The following KATNAL2 variants were observed in gnomAD, a reference collection of about 807,000 sequenced individuals.
KATNAL2 encodes the protein katanin p60 ATPase-containing subunit A-like 2.
In KATNAL2, 52 loss-of-function variants were observed where a neutral mutation model predicts 76.3. That is an observed-to-expected ratio of 0.68 (90% CI 0.55 to 0.86). The LOEUF is 0.86. KATNAL2 is among the 40% of genes least tolerant of loss of function. The pLI is 0.00. For missense variants in KATNAL2, 660 were observed against 668.9 expected (o/e 0.99, Z 0.15); for synonymous variants, 243 against 244.2 (o/e 1.00, Z 0.05).
chr18:46,920,624 A>G, intron 1 of KATNAL2, among the ~76,000 whole-genome samples: 1 of 152,184 alleles, frequency 6.6e-6, no homozygotes, highest in East Asian at 1.9e-4. Context: ...CCAGATTATT[A>G]ATTTGGCATT....
At chr18:47,074,956 T>C (rs1233231250) in intron 13 of KATNAL2, among the ~76,000 whole-genome samples, 1 of 152,182 alleles carries the variant, frequency 6.6e-6, no homozygotes, top group South Asian at 2.1e-4. Context: ...ATTGGCAGGG[T>C]GTTTCAGGGG....
At chr18:47,036,499 T>G (rs1442905474) in intron 3 of KATNAL2, among the ~76,000 whole-genome samples, 1 of 152,244 alleles carries the variant, frequency 6.6e-6, no homozygotes, top group East Asian at 1.9e-4. Flanking sequence ...GTAGCCTTTG[T>G]TTTGTGCTCT....
At chr18:47,038,600 C>T (rs984258141) in intron 3 of KATNAL2, among the ~76,000 whole-genome samples, 1 of 152,158 alleles carries the variant, frequency 6.6e-6, no homozygotes, top group Admixed American at 6.5e-5. Flanking sequence ...TCAATTTGCT[C>T]TGCAAAAGGG....
intron 1 of KATNAL2, among the ~76,000 whole-genome samples, chr18:46,944,565 C>G (rs2059333902): frequency 6.6e-6 from 1 of 151,870 alleles, no homozygotes; most frequent in East Asian, 1.9e-4. Flanking sequence ...TGAAACCCCA[C>G]ATGTACTAAA....
At chr18:47,071,753 A>G (rs1022261436) in intron 13 of KATNAL2, among the ~76,000 whole-genome samples, 3 of 151,986 alleles carry the variant, frequency 2.0e-5, no homozygotes, top group Non-Finnish European at 4.4e-5. Context: ...TTTCTGGTTT[A>G]ATGTTGAATA....
At chr18:46,929,758 A>AGTAT (rs1374916748) in intron 1 of KATNAL2, among the ~76,000 whole-genome samples, 6 of 152,134 alleles carry the variant, frequency 3.9e-5, no homozygotes, top group Non-Finnish European at 8.8e-5. Flanking sequence ...ATAGAGAAGA[A>AGTAT]GTATGTTTAA....
At chr18:47,034,343 G>A (rs755809195) in intron 3 of KATNAL2, 47 of 1,613,430 alleles carry the variant, frequency 2.9e-5, no homozygotes, top group Admixed American at 1.5e-4. Context: ...CTGTGCTGAG[G>A]CCTCTTCTGG....
Position 46,946,054 on chromosome 18 carries a change from TA to T in KATNAL2, c.-509-2del. ...ACTTACGAGAACTTTTTTTTTTTTG[TA>T]GATTGAGGAAACTTGAATATTTTTG... is the stretch of plus-strand genomic sequence containing the variant. On this transcript the variant is annotated splice_acceptor_variant, in intron 1 of 17. Transcript: ENST00000683218. LOFTEE classifies it low-confidence loss of function (5UTR_SPLICE). The T allele has an allele frequency of 3.2e-6, 1 of 309,000 alleles. No individual in the cohort carries two copies. Among genetic ancestry groups the T allele is most frequent in the East Asian group, 1.7e-4 (1 of 5,754 alleles). The allele number at this position is 309,000 out of a possible 1,614,324, so 19.1% of individuals were successfully genotyped here. A position where few individuals can be genotyped will look rare whatever the true frequency, so the allele number is the denominator to read the frequency against.
In KATNAL2 at chr18:47,054,412, G is replaced by A. The variant is rs145475005; in HGVS notation, c.306G>A (p.Pro102=). 332 of 1,613,160 alleles carry A rather than the reference G, an allele frequency of 2.1e-4. 1 individual carries two copies. The African/African-American group carries it at 3.8e-3, about 19-fold the overall frequency. Residue 102 remains proline (P), a synonymous_variant, in exon 6 of 18, where the codon CCG becomes CCA. Coordinates refer to ENST00000683218, the MANE Select transcript of KATNAL2 (RefSeq NM_001387690.1). ...TTGTCACAGCAGAAAATAATTTACC[G>A]CAAAGAAGTAGAGGGAAGACCAGAA... ...KSSDTAENNL[P]QRSRGKTRRM... is the part of the protein sequence containing the mutation.
rs1471301126 is a variant in KATNAL2 at position 47,100,837 on chromosome 18, G to A, written c.1478-29G>A. The A allele has an allele frequency of 9.3e-6, 15 of 1,613,824 alleles. No individual in the cohort carries two copies. In the Middle Eastern group the frequency reaches 9.9e-4, roughly 106 times the overall value. On this transcript the variant is annotated intron_variant, in intron 17 of 17. Coordinates refer to ENST00000683218, the MANE Select transcript of KATNAL2 (RefSeq NM_001387690.1). ...ATTGATCACCAAGAGGTCGATTGTT[G>A]TGCTGTTACTGTTGTGTTCTTATCC...
At position 47,065,379 on chromosome 18, in the gene KATNAL2, T is replaced by C. The variant is rs147546713; in HGVS notation, c.727-1642T>C. Among the ~76,000 whole-genome samples the C allele has an allele frequency of 3.3e-5, 5 of 150,134 alleles. No homozygotes were observed. The East Asian group carries it at 1.0e-3, about 30-fold the overall frequency. On this transcript the variant is annotated intron_variant, in intron 10 of 17. Coordinates refer to ENST00000683218, the MANE Select transcript of KATNAL2 (RefSeq NM_001387690.1). Reference sequence around the variant, plus strand: ...CCCATTTCTAGAGAGCATTAGCTGGTATATGTGGGTTTCCCAAGATCGACT... The same window carrying C: ...CCCATTTCTAGAGAGCATTAGCTGGCATATGTGGGTTTCCCAAGATCGACT...
intron 1 of KATNAL2, among the ~76,000 whole-genome samples, chr18:46,923,007 A>G (rs1337606955): frequency 6.8e-6 from 1 of 147,992 alleles, no homozygotes; most frequent in African/African-American, 2.5e-5. Context: ...AATTCTTATC[A>G]ACATACAGAA....
chr18:47,031,634 C>G (rs932373119), intron 3 of KATNAL2, among the ~76,000 whole-genome samples: 3 of 152,134 alleles, frequency 2.0e-5, no homozygotes, highest in African/African-American at 4.8e-5. Flanking sequence ...GGCAATTCTT[C>G]AGAGCTAGAA....
chr18:46,927,401 T>C (rs2058761933), intron 1 of KATNAL2, among the ~76,000 whole-genome samples: 1 of 152,188 alleles, frequency 6.6e-6, no homozygotes, highest in Non-Finnish European at 1.5e-5. Flanking sequence ...TTAAGAATGT[T>C]GAATATTGGT....
At chr18:47,044,709 G>A (rs890390197) in intron 3 of KATNAL2, among the ~76,000 whole-genome samples, 2 of 150,016 alleles carry the variant, frequency 1.3e-5, no homozygotes, top group South Asian at 2.1e-4. Context: ...TGCAGTGATC[G>A]GAGATCATGC....
At chr18:47,083,969 T>G (rs763776030) in intron 15 of KATNAL2, among the ~76,000 whole-genome samples, 3 of 152,158 alleles carry the variant, frequency 2.0e-5, no homozygotes, top group Non-Finnish European at 2.9e-5. Flanking sequence ...TCCCAGCAAC[T>G]CTCTTAAAAA....
At chr18:46,935,936 C>T (rs2146590640) in intron 1 of KATNAL2, among the ~76,000 whole-genome samples, 1 of 152,138 alleles carries the variant, frequency 6.6e-6, no homozygotes, top group Admixed American at 6.6e-5. Context: ...AAAAAAGACC[C>T]TCTGGACCAG....
At chr18:47,051,586 T>A (rs899262948) in intron 4 of KATNAL2, among the ~76,000 whole-genome samples, 1 of 152,218 alleles carries the variant, frequency 6.6e-6, no homozygotes, top group African/African-American at 2.4e-5. Flanking sequence ...AATAAAAAAC[T>A]GATTTAGTTT....
chr18:47,081,752 T>C (rs1454172053), intron 15 of KATNAL2, among the ~76,000 whole-genome samples: 2 of 152,216 alleles, frequency 1.3e-5, no homozygotes, highest in Admixed American at 1.3e-4. Flanking sequence ...CCTTCTTATA[T>C]GTGCAGGATG....
Sources: allele counts gnomAD v4.1 joint callset (sites outside exome capture counted in the v4.1 genomes callset), GRCh38; gene constraint gnomAD v4.1.1; transcripts MANE v1.5; gene names NCBI Gene and HGNC (gene_info 2026-07-23, HGNC 2026-07-21).